The following SPOCK1 variants were observed in gnomAD, a reference collection of about 807,000 sequenced individuals.
SPOCK1 encodes the protein SPARC (osteonectin), cwcv and kazal like domains proteoglycan 1, also known as testican-1.
Under a neutral mutation model 55.3 loss-of-function variants are expected in SPOCK1, and 23 were observed. The ratio of observed to expected loss-of-function variants is 0.42; its 90% CI spans 0.30 to 0.59. The LOEUF is 0.59. SPOCK1 is among the 20% of genes least tolerant of loss of function. The pLI is 0.22. For synonymous variants in SPOCK1, 226 were observed against 221.0 expected (o/e 1.02, Z -0.20); for missense variants, 499 against 552.5 (o/e 0.90, Z 0.97).
At chr5:137,386,987 A>G (rs1751611520) in intron 2 of SPOCK1, among the ~76,000 whole-genome samples, 1 of 152,258 alleles carries the variant, frequency 6.6e-6, no homozygotes, top group Non-Finnish European at 1.5e-5. Flanking sequence ...TTGATTTAAA[A>G]AAATAAGTCA....
intron 6 of SPOCK1, among the ~76,000 whole-genome samples, chr5:137,031,452 G>T (rs1338579649): frequency 6.6e-6 from 1 of 152,164 alleles, no homozygotes; most frequent in East Asian, 1.9e-4. Context: ...AAACCTAGCA[G>T]CTACTATATG....
At chr5:137,247,972 G>C (rs1171702137) in intron 3 of SPOCK1, among the ~76,000 whole-genome samples, 2 of 151,962 alleles carry the variant, frequency 1.3e-5, no homozygotes. Flanking sequence ...GAAACATTGG[G>C]GATCAAATTT....
chr5:137,141,963 G>A (rs534703578), intron 3 of SPOCK1, among the ~76,000 whole-genome samples: 3 of 152,284 alleles, frequency 2.0e-5, no homozygotes, highest in East Asian at 3.9e-4. Flanking sequence ...AGCGCTCTGC[G>A]TGCTGAGGTG....
chr5:137,199,750 CA>C, intron 3 of SPOCK1, among the ~76,000 whole-genome samples: 1 of 152,268 alleles, frequency 6.6e-6, no homozygotes, highest in South Asian at 2.1e-4. Flanking sequence ...TGATGCATCT[CA>C]TGGTGCTAAA....
At chr5:137,386,102 T>G (rs1314024951) in intron 2 of SPOCK1, among the ~76,000 whole-genome samples, 2 of 152,176 alleles carry the variant, frequency 1.3e-5, no homozygotes, top group Non-Finnish European at 2.9e-5. Context: ...CAAGTGGAAT[T>G]TGAAATTAAA....
At chr5:137,141,892 C>A (rs1754105892) in intron 3 of SPOCK1, among the ~76,000 whole-genome samples, 1 of 152,168 alleles carries the variant, frequency 6.6e-6, no homozygotes. Context: ...TCTCCAAAGA[C>A]AGCAGTTCAT....
intron 2 of SPOCK1, among the ~76,000 whole-genome samples, chr5:137,289,684 A>G (rs964985510): frequency 2.6e-5 from 4 of 152,200 alleles, no homozygotes; most frequent in Admixed American, 2.6e-4. Context: ...TGCAAAGAAT[A>G]AAATTCATAA....
chr5:137,186,851 G>C (rs1039828561), intron 3 of SPOCK1, among the ~76,000 whole-genome samples: 14 of 152,090 alleles, frequency 9.2e-5, no homozygotes, highest in African/African-American at 3.4e-4. Context: ...TCACAAAACT[G>C]TTCTCACCAG....
chr5:136,985,024 G>A (rs1750811319), intron 9 of SPOCK1, 116 bp downstream of exon 9: 1 of 1,060,038 alleles, frequency 9.4e-7, no homozygotes, highest in East Asian at 2.4e-5. Context: ...TTAAAACAAG[G>A]CATTTCTTTC....
chr5:137,109,444 C>T (rs1753425985), intron 5 of SPOCK1, among the ~76,000 whole-genome samples: 1 of 152,138 alleles, frequency 6.6e-6, no homozygotes, highest in Non-Finnish European at 1.5e-5. Context: ...TCTTTTTTGG[C>T]TCCTCTCTTG....
At chr5:137,331,022 G>C (rs984942620) in intron 2 of SPOCK1, among the ~76,000 whole-genome samples, 2 of 152,232 alleles carry the variant, frequency 1.3e-5, no homozygotes, top group Non-Finnish European at 1.5e-5. Flanking sequence ...ATCAGCAAAT[G>C]GTGGTGGAGC....
chr5:137,133,369 C>CAAAAA (rs576091633), intron 4 of SPOCK1, among the ~76,000 whole-genome samples: 1 of 120,228 alleles, frequency 8.3e-6, no homozygotes, highest in Non-Finnish European at 1.7e-5. Context: ...GACTCCATCT[C>CAAAAA]AAAAAAAAAA....
At chr5:137,254,401 G>A (rs1756595397) in intron 3 of SPOCK1, among the ~76,000 whole-genome samples, 1 of 151,950 alleles carries the variant, frequency 6.6e-6, no homozygotes, top group South Asian at 2.1e-4. Context: ...CCTTTCCACT[G>A]TCAAAAAAAA....
At chr5:137,225,242 T>G (rs552198697) in intron 3 of SPOCK1, among the ~76,000 whole-genome samples, 48 of 152,156 alleles carry the variant, frequency 3.2e-4, no homozygotes, top group African/African-American at 1.2e-3. Context: ...TCTACCATTT[T>G]CTGGTTGGAT....
intron 3 of SPOCK1, among the ~76,000 whole-genome samples, chr5:137,155,445 C>T (rs2127046995): frequency 6.6e-6 from 1 of 152,300 alleles, no homozygotes; most frequent in East Asian, 1.9e-4. Context: ...TATTGTTGCC[C>T]AGTTAGCCAG....
intron 2 of SPOCK1, among the ~76,000 whole-genome samples, chr5:137,331,884 C>T (rs1490350486): frequency 6.6e-6 from 1 of 152,184 alleles, no homozygotes; most frequent in Non-Finnish European, 1.5e-5. Context: ...CCCAGGCAAA[C>T]AGAACACTCC....
chr5:137,306,389 T>A (rs1411897219), intron 2 of SPOCK1, among the ~76,000 whole-genome samples: 1 of 152,168 alleles, frequency 6.6e-6, no homozygotes, highest in Non-Finnish European at 1.5e-5. Context: ...TTCCTCTATC[T>A]CTGGGTGGGA....
intron 2 of SPOCK1, among the ~76,000 whole-genome samples, chr5:137,469,339 T>A (rs1753685619): frequency 6.6e-6 from 1 of 152,170 alleles, no homozygotes; most frequent in African/African-American, 2.4e-5. Flanking sequence ...TGTTATTCAG[T>A]CCTCCAAGAG....
At chr5:137,320,581 C>A (rs997663371) in intron 2 of SPOCK1, among the ~76,000 whole-genome samples, 1 of 152,164 alleles carries the variant, frequency 6.6e-6, no homozygotes, top group Non-Finnish European at 1.5e-5. Context: ...AGCTCAATGC[C>A]AGAAAAAGCG....
Sources: gnomAD v4.1 joint callset for allele counts (sites outside exome capture counted in the v4.1 genomes callset) on GRCh38, gnomAD v4.1.1 for gene constraint, MANE v1.5 for transcripts, NCBI Gene and HGNC (gene_info 2026-07-23, HGNC 2026-07-21) for gene names.